Variants in MYO3B observed in about 807,000 individuals in gnomAD.
MYO3B encodes the protein myosin IIIB.
Under a neutral mutation model 174.6 loss-of-function variants are expected in MYO3B, and 156 were observed. The ratio of observed to expected loss-of-function variants is 0.89; its 90% CI spans 0.78 to 1.02. MYO3B has a LOEUF of 1.02. Ranked by LOEUF, MYO3B falls within the 50% of genes least tolerant of loss-of-function variation. The pLI is 0.00. For missense variants in MYO3B, 1,632 were observed against 1,639.4 expected, an observed-to-expected ratio of 1.00 and a Z score of 0.08; for synonymous variants, 563 against 569.1, an observed-to-expected ratio of 0.99 and a Z score of 0.15.
chr2:170,200,094 G>A, intron 2 of MYO3B, 56 bp from the exon 3 acceptor site: 2 of 1,557,680 alleles, frequency 1.3e-6, no homozygotes, highest in Non-Finnish European at 8.7e-7. Flanking sequence ...TGTCATATCT[G>A]TACCCTTCCT....
chr2:170,585,872 C>T (rs1260829418), intron 32 of MYO3B, among the ~76,000 whole-genome samples: 5 of 152,050 alleles, frequency 3.3e-5, no homozygotes, highest in African/African-American at 9.7e-5. Flanking sequence ...GCTAACATGG[C>T]GAAACCCTGT....
At chr2:170,214,267 C>G (rs927515320) in intron 3 of MYO3B, 112 bp from the exon 4 acceptor site, 4 of 754,368 alleles carry the variant, frequency 5.3e-6, no homozygotes, top group South Asian at 1.9e-5. Context: ...GTTTTGTAAT[C>G]TGCAAATTTA....
intron 8 of MYO3B, among the ~76,000 whole-genome samples, chr2:170,359,369 C>G (rs757321001): frequency 2.0e-5 from 3 of 152,160 alleles, no homozygotes; most frequent in African/African-American, 7.2e-5. Flanking sequence ...TTAATTCAGA[C>G]TGTATTCTTC....
chr2:170,413,923 C>T (rs1253385684), intron 22 of MYO3B, among the ~76,000 whole-genome samples: 4 of 151,718 alleles, frequency 2.6e-5, no homozygotes, highest in Non-Finnish European at 4.4e-5. Context: ...GCCTGTAGTC[C>T]CAGCTACTTG....
intron 32 of MYO3B, among the ~76,000 whole-genome samples, chr2:170,577,694 A>G (rs1191962536): frequency 6.6e-6 from 1 of 152,214 alleles, no homozygotes; most frequent in Non-Finnish European, 1.5e-5. Context: ...TGGGCACTTT[A>G]AAATGAAATA....
rs1017287854 is a variant in MYO3B at position 170,310,389 on chromosome 2, G to C, written c.750-24996G>C. On this transcript the variant is annotated intron_variant, in intron 7 of 34. Transcript: ENST00000408978. ...ATTTAAGAAATACACTGGGCTGTGCGCAGTGGCTCATGCCTGTGATCCCAG... is the reference window on the plus strand; with the variant it reads ...ATTTAAGAAATACACTGGGCTGTGCCCAGTGGCTCATGCCTGTGATCCCAG... Among the ~76,000 whole-genome samples, 8 of 152,108 alleles carry C rather than the reference G, an allele frequency of 5.3e-5. No individual in the cohort carries two copies. The South Asian group carries it at 1.7e-3, about 32-fold the overall frequency.
intron 1 of MYO3B, among the ~76,000 whole-genome samples, chr2:170,180,686 C>T (rs1269526580): frequency 6.6e-6 from 1 of 152,118 alleles, no homozygotes; most frequent in Non-Finnish European, 1.5e-5. Context: ...AAATTTCTCT[C>T]TTTTCCAAAC....
At chr2:170,386,420 G>A (rs548324604) in intron 13 of MYO3B, 148 bp downstream of exon 13, 8 of 590,432 alleles carry the variant, frequency 1.4e-5, no homozygotes, top group African/African-American at 1.3e-4. Context: ...TGATAGCGAG[G>A]CCTCTTAAGA....
intron 8 of MYO3B, 89 bp downstream of exon 8, chr2:170,335,539 T>C: frequency 1.0e-6 from 1 of 1,000,296 alleles, no homozygotes; most frequent in Non-Finnish European, 1.5e-6. Flanking sequence ...TACTTGACAC[T>C]AGAGGTTGTT....
At chr2:170,397,538 C>A (rs530694960) in intron 16 of MYO3B, among the ~76,000 whole-genome samples, 1 of 152,280 alleles carries the variant, frequency 6.6e-6, no homozygotes, top group East Asian at 1.9e-4. Flanking sequence ...ACCTTAATTT[C>A]TTTTTACCAT....
intron 22 of MYO3B, among the ~76,000 whole-genome samples, chr2:170,428,427 A>G (rs1186402356): frequency 6.6e-6 from 1 of 152,186 alleles, no homozygotes; most frequent in East Asian, 1.9e-4. Context: ...ATATTTCACA[A>G]CTATAGATAA....
intron 32 of MYO3B, among the ~76,000 whole-genome samples, chr2:170,557,312 T>G (rs1288064999): frequency 6.6e-6 from 1 of 151,968 alleles, no homozygotes; most frequent in Non-Finnish European, 1.5e-5. Flanking sequence ...GCTAATTTCT[T>G]GTATTTTTAG....
intron 6 of MYO3B, among the ~76,000 whole-genome samples, chr2:170,224,734 C>T (rs1213119274): frequency 1.3e-5 from 2 of 152,256 alleles, no homozygotes; most frequent in East Asian, 3.9e-4. Context: ...AATTCTCCCC[C>T]TCTTTACTTC....
At chr2:170,600,126 T>G (rs979451083) in intron 32 of MYO3B, among the ~76,000 whole-genome samples, 4 of 135,544 alleles carry the variant, frequency 3.0e-5, no homozygotes, top group African/African-American at 1.5e-4. Flanking sequence ...CCTTCCTTGT[T>G]GTTGTTGTTT....
At chr2:170,363,147 CAT>C (rs2094174212) in intron 8 of MYO3B, among the ~76,000 whole-genome samples, 1 of 151,906 alleles carries the variant, frequency 6.6e-6, no homozygotes, top group South Asian at 2.1e-4. Context: ...AATGGGAACA[CAT>C]AACAATTCAA....
At chr2:170,409,309 A>G (rs902899770) in intron 22 of MYO3B, among the ~76,000 whole-genome samples, 25 of 152,228 alleles carry the variant, frequency 1.6e-4, no homozygotes, top group Non-Finnish European at 1.2e-4. Flanking sequence ...CGGGAGGAAC[A>G]GGAACAAAGA....
intron 14 of MYO3B, among the ~76,000 whole-genome samples, chr2:170,388,230 G>A (rs907900506): frequency 2.2e-4 from 34 of 152,146 alleles, no homozygotes; most frequent in African/African-American, 7.7e-4. Flanking sequence ...TTGTATTCAC[G>A]GGGCTTAGAG....
At chr2:170,365,775 G>GA (rs2094193709) in intron 8 of MYO3B, among the ~76,000 whole-genome samples, 1 of 152,100 alleles carries the variant, frequency 6.6e-6, no homozygotes, top group Non-Finnish European at 1.5e-5. Context: ...TGCTGATCCT[G>GA]TGGTATGATG....
At chr2:170,593,383 A>G (rs1487259690) in intron 32 of MYO3B, among the ~76,000 whole-genome samples, 1 of 152,204 alleles carries the variant, frequency 6.6e-6, no homozygotes, top group Non-Finnish European at 1.5e-5. Context: ...GGTTGCAGGC[A>G]TGAGCCAGCA....
Sources: gnomAD v4.1 joint callset for allele counts (sites outside exome capture counted in the v4.1 genomes callset) on GRCh38, gnomAD v4.1.1 for gene constraint, MANE v1.5 for transcripts, NCBI Gene and HGNC (gene_info 2026-07-23, HGNC 2026-07-21) for gene names.